Variants in LRCH3 observed in about 807,000 individuals in gnomAD.
The protein encoded by LRCH3 is DISP complex protein LRCH3.
A neutral mutation model predicts 104.5 loss-of-function variants in LRCH3; 68 were observed. That is an observed-to-expected ratio of 0.65 (90% CI 0.54 to 0.80). The LOEUF is 0.80. Among genes scored for constraint, LRCH3 ranks in the 30% least tolerant of loss-of-function variants. The pLI, the probability that LRCH3 is intolerant of heterozygous loss-of-function variation, is 0.00. For missense variants in LRCH3, 951 were observed against 953.9 expected (o/e 1.00, Z 0.04); for synonymous variants, 344 against 361.3 (o/e 0.95, Z 0.54).
intron 15 of LRCH3, chr3:197,859,176 GTTA>G (rs1193154787): frequency 1.2e-5 from 5 of 417,822 alleles, no homozygotes; most frequent in African/African-American, 1.0e-4. Flanking sequence ...TTTCTTGTGA[GTTA>G]TTATTTCACT....
rs559577071 is a variant in LRCH3, at chr3:197,823,232, T to G, written c.640+2802T>G. On this transcript the variant is annotated intron_variant, in intron 4 of 20. Coordinates refer to ENST00000425562, the MANE Select transcript of LRCH3 (RefSeq NM_001365715.1). ...ATCCGCCTGCCTCAGCCTCCCAAAG[T>G]GCTAGGATTACAGGCGTGAGCCACC... is the stretch of plus-strand genomic sequence containing the variant. 2.0e-5 allele frequency: 3 copies of G among 151,460 alleles called. No homozygotes were observed. The East Asian group carries it at 5.9e-4, about 30-fold the overall frequency. 9.4% of individuals were successfully genotyped at this position (151,460 alleles called of 1,614,324 possible). A position where few individuals can be genotyped will look rare whatever the true frequency, so the allele number is the denominator to read the frequency against.
Position 197,871,320 on chromosome 3 carries a change from T to G in LRCH3, c.1993-5T>G, listed in dbSNP as rs772551051. ...TAATCTATTACATGTTTTTTGTTCTTTCAGCATATTGAGTACCGGTTGAAA... is the reference window on the plus strand; with the variant it reads ...TAATCTATTACATGTTTTTTGTTCTGTCAGCATATTGAGTACCGGTTGAAA... On this transcript the variant is annotated splice_region_variant and splice_polypyrimidine_tract_variant and intron_variant, in intron 18 of 20. Coordinates refer to ENST00000425562, the MANE Select transcript of LRCH3 (RefSeq NM_001365715.1). 16 of 1,608,082 alleles carry G rather than the reference T, an allele frequency of 9.9e-6. No individual in the cohort carries two copies. Among genetic ancestry groups the G allele is most frequent in the Non-Finnish European group, 1.3e-5 (15 of 1,174,802 alleles).
Position 197,820,338 on chromosome 3 carries a change from A to G in LRCH3, c.548A>G (p.Asn183Ser). 1 of 1,610,548 alleles carries G rather than the reference A, an allele frequency of 6.2e-7. No homozygotes were observed. Among genetic ancestry groups the G allele is most frequent in the Non-Finnish European group, 8.5e-7 (1 of 1,176,912 alleles). ...TTTTCGAAATAGGATGTGAGCTGCAATGAAATTCAAACTATACCTTCCCAA... is the reference window on the plus strand; with the variant it reads ...TTTTCGAAATAGGATGTGAGCTGCAGTGAAATTCAAACTATACCTTCCCAA... ...RHLMELDVSC[N>S]EIQTIPSQIG... is the part of the protein sequence containing the mutation. Residue 183 changes from asparagine to serine, a missense_variant, in exon 4 of 21, where the codon AAT becomes AGT. Physicochemically the swap from Asn to Ser is conservative, Grantham distance 46 (BLOSUM62 1). Transcript: ENST00000425562.
chr3:197,830,047 A>G (rs1331939300), intron 6 of LRCH3, among the ~76,000 whole-genome samples: 5 of 152,226 alleles, frequency 3.3e-5, no homozygotes, highest in Admixed American at 2.6e-4. Flanking sequence ...GAGTGACTTG[A>G]ACGCTAACTT....
chr3:197,875,750 C>G lies in LRCH3; in HGVS notation c.2183C>G (p.Ala728Gly). ...CRRNVENFLE[A>G]CRKIGVPQEQ... ...CGAAATGTGGAAAATTTCCTAGAAG[C>G]TTGCAGAAAAATTGGTGTACCTCAG... Residue 728 changes from alanine (A) to glycine (G), a missense_variant, in exon 20 of 21, where the codon GCT (alanine) becomes GGT (glycine). By Grantham distance (60) the Ala-to-Gly change is moderately conservative (BLOSUM62 0). Transcript: ENST00000425562. 6 of 1,534,628 alleles carry G rather than the reference C, an allele frequency of 3.9e-6. No homozygotes were observed. The highest frequency in any genetic ancestry group is 4.4e-6 in the Non-Finnish European group (5 of 1,146,466).
At chr3:197,829,071 G>T (rs1735594898) in intron 5 of LRCH3, among the ~76,000 whole-genome samples, 2 of 152,118 alleles carry the variant, frequency 1.3e-5, no homozygotes, top group African/African-American at 4.8e-5. Flanking sequence ...CAATAGAAGG[G>T]TCTTATAAGC....
At chr3:197,850,165 C>T (rs1054429782) in intron 12 of LRCH3, among the ~76,000 whole-genome samples, 1 of 152,062 alleles carries the variant, frequency 6.6e-6, no homozygotes, top group East Asian at 1.9e-4. Flanking sequence ...AATAATGGCA[C>T]TTGCAGGAAA....
In LRCH3 at chr3:197,833,431, G is replaced by T. The variant is rs558121502; in HGVS notation, c.1102+1114G>T. ...CATATGCCTGTAATCCCAGCTACTC[G>T]GGAGGCTGAGGCAGGAGAATCACTT... is the stretch of plus-strand genomic sequence containing the variant. On this transcript the variant is annotated intron_variant, in intron 8 of 20. Transcript: ENST00000425562. Among the ~76,000 whole-genome samples the T allele has an allele frequency of 5.1e-5, 7 of 136,334 alleles. No individual in the cohort carries two copies. In the South Asian group the frequency reaches 1.7e-3, roughly 34 times the overall value. The allele number at this position is 136,334 out of a possible 152,430, so 89.4% of individuals were successfully genotyped here. A position where few individuals can be genotyped will look rare whatever the true frequency, so the allele number is the denominator to read the frequency against.
At chr3:197,802,573 G>A (rs186240033) in intron 1 of LRCH3, among the ~76,000 whole-genome samples, 72 of 152,214 alleles carry the variant, frequency 4.7e-4, no homozygotes, top group African/African-American at 1.7e-3. Context: ...TTAAGAGTTC[G>A]AGAAGGATTG....
rs577576017 is a variant in LRCH3 at position 197,836,440 on chromosome 3, C to T, written c.1251+618C>T. Among the ~76,000 whole-genome samples the T allele has an allele frequency of 2.0e-5, 3 of 152,328 alleles. No homozygotes were observed. The South Asian group carries it at 6.2e-4, about 32-fold the overall frequency. The stretch of plus-strand genomic sequence containing the variant: ...GGGTCTCAGATAGAATAGCATTCTT[C>T]AGTCTATCTTGTCAGCATAATAAAA... On this transcript the variant is annotated intron_variant, in intron 9 of 20. Coordinates refer to ENST00000425562, the MANE Select transcript of LRCH3 (RefSeq NM_001365715.1).
intron 3 of LRCH3, among the ~76,000 whole-genome samples, chr3:197,819,886 A>G (rs982485253): frequency 2.2e-4 from 33 of 152,188 alleles, no homozygotes; most frequent in African/African-American, 7.9e-4. Flanking sequence ...TTTAAAAAAA[A>G]GAAAATAGAG....
At chr3:197,796,014 T>C (rs1731173934) in intron 1 of LRCH3, among the ~76,000 whole-genome samples, 1 of 151,854 alleles carries the variant, frequency 6.6e-6, no homozygotes, top group African/African-American at 2.4e-5. Context: ...GATAAAAAGG[T>C]CCTGACTAAT....
chr3:197,878,865 A>G (rs1484846678), intron 20 of LRCH3, among the ~76,000 whole-genome samples: 1 of 152,224 alleles, frequency 6.6e-6, no homozygotes. Context: ...GTGTGACTTG[A>G]ACATTGGGAA....
At chr3:197,832,141 C>T (rs1736030605) in intron 7 of LRCH3, 56 bp from the exon 8 acceptor site, 2 of 1,558,386 alleles carry the variant, frequency 1.3e-6, no homozygotes, top group Non-Finnish European at 8.7e-7. Flanking sequence ...GGATTACAGG[C>T]ATGATCTGCC....
intron 5 of LRCH3, 82 bp from the exon 6 acceptor site, chr3:197,829,482 G>A: frequency 7.5e-6 from 6 of 796,226 alleles, no homozygotes; most frequent in Non-Finnish European, 1.2e-5. Flanking sequence ...CCCAATGTAT[G>A]TTACATAAAA....
chr3:197,879,449 A>T (rs565598701), intron 20 of LRCH3, among the ~76,000 whole-genome samples: 1 of 151,302 alleles, frequency 6.6e-6, no homozygotes, highest in Admixed American at 6.6e-5. Context: ...GATCGAGACC[A>T]TCCTGGCTAA....
chr3:197,803,996 G>A (rs1043761922), intron 1 of LRCH3, among the ~76,000 whole-genome samples: 1 of 152,146 alleles, frequency 6.6e-6, no homozygotes, highest in East Asian at 1.9e-4. Flanking sequence ...GGTGGCTCAC[G>A]CCTGTAATCC....
chr3:197,815,145 A>G (rs1393101524), intron 2 of LRCH3, 93 bp downstream of exon 2: 4 of 673,798 alleles, frequency 5.9e-6, no homozygotes, highest in Non-Finnish European at 4.7e-6. Context: ...TATATATGCT[A>G]TCTATTCATA....
chr3:197,791,331 C>G lies in LRCH3; in HGVS notation c.53C>G (p.Thr18Arg), dbSNP rs1169701811. The stretch of plus-strand genomic sequence containing the variant: ...GCAGCGGCTGCCGAGTACTCTGGCA[C>G]GGTAGCGTCGGGAGGTAACCTCCCT... ...AVAAAAEYSG[T>R]VASGGNLPGV... The change falls in exon 1 of 21, where the codon ACG (threonine) becomes AGG (arginine). Residue 18 changes from threonine to arginine, a missense_variant. By Grantham distance (71) the Thr-to-Arg change is moderately conservative. Coordinates refer to ENST00000425562, the MANE Select transcript of LRCH3 (RefSeq NM_001365715.1). 9 of 1,609,222 alleles carry G rather than the reference C, an allele frequency of 5.6e-6. No individual in the cohort carries two copies. Among genetic ancestry groups the G allele is most frequent in the Non-Finnish European group, 7.6e-6 (9 of 1,178,764 alleles).
Sources: allele counts gnomAD v4.1 joint callset (sites outside exome capture counted in the v4.1 genomes callset), GRCh38; gene constraint gnomAD v4.1.1; transcripts MANE v1.5; gene names NCBI Gene and HGNC (gene_info 2026-07-23, HGNC 2026-07-21).